CPVL: variants seen among roughly 807,000 people sequenced by gnomAD.
The protein encoded by CPVL is carboxypeptidase vitellogenic like.
Under a neutral mutation model 63.7 loss-of-function variants are expected in CPVL, and 51 were observed. The observed-to-expected ratio is 0.80, with a 90% confidence interval of 0.64 to 1.01. CPVL has a LOEUF of 1.01. CPVL is among the 50% of genes least tolerant of loss of function. The pLI is 0.00. For missense variants in CPVL, 530 were observed against 573.1 expected (o/e 0.92, Z 0.77); for synonymous variants, 195 against 206.0 (o/e 0.95, Z 0.46).
chr7:29,026,678 C>A (rs1031768129), intron 12 of CPVL, among the ~76,000 whole-genome samples: 2 of 151,952 alleles, frequency 1.3e-5, no homozygotes, highest in Non-Finnish European at 2.9e-5. Context: ...CGATACCACA[C>A]AAATACGAAG....
chr7:29,068,787 T>G (rs1042248643), intron 9 of CPVL, among the ~76,000 whole-genome samples: 5 of 149,716 alleles, frequency 3.3e-5, no homozygotes, highest in Non-Finnish European at 7.4e-5. Flanking sequence ...CTCCGCCTCC[T>G]GGGTTCACGC....
intron 5 of CPVL, among the ~76,000 whole-genome samples, chr7:29,175,233 G>A (rs1365035212): frequency 1.3e-5 from 2 of 150,910 alleles, no homozygotes; most frequent in South Asian, 2.1e-4. Context: ...GGAGTGTAGT[G>A]GCACGATCTC....
intron 11 of CPVL, among the ~76,000 whole-genome samples, chr7:29,062,075 C>T (rs1041041615): frequency 6.0e-4 from 91 of 152,018 alleles, no homozygotes; most frequent in African/African-American, 2.0e-3. Flanking sequence ...CATTACAGAA[C>T]ATCATCTTTA....
At chr7:29,146,764 T>C, upstream of CPVL, 1 of 1,549,294 alleles carries the variant, frequency 6.5e-7, no homozygotes, top group Non-Finnish European at 8.7e-7. Flanking sequence ...GTCCCTTTGT[T>C]TTATTTTGAT....
At chr7:29,085,301 C>T (rs190980819) in intron 7 of CPVL, among the ~76,000 whole-genome samples, 4 of 152,236 alleles carry the variant, frequency 2.6e-5, no homozygotes, top group Admixed American at 2.6e-4. Context: ...TAATGGGGAC[C>T]GGTCAAAAGG....
intron 12 of CPVL, among the ~76,000 whole-genome samples, chr7:29,014,416 C>T (rs758873287): frequency 5.3e-5 from 8 of 152,132 alleles, no homozygotes; most frequent in Admixed American, 2.6e-4. Flanking sequence ...CACTGCGCCT[C>T]GACCTCCTGG....
intron 9 of CPVL, among the ~76,000 whole-genome samples, chr7:29,070,347 T>C (rs1448493467): frequency 1.3e-5 from 2 of 152,222 alleles, no homozygotes; most frequent in African/African-American, 4.8e-5. Context: ...TTTCTAAATA[T>C]GGGCCTCTCA....
At chr7:29,000,807 CA>C (rs552387688) in intron 12 of CPVL, among the ~76,000 whole-genome samples, 156 of 152,254 alleles carry the variant, frequency 1.0e-3, no homozygotes, top group African/African-American at 3.5e-3. Flanking sequence ...TTCACCACCC[CA>C]AAGGAAACCC....
chr7:29,090,338 C>G (rs1260961196), intron 6 of CPVL, among the ~76,000 whole-genome samples: 1 of 152,202 alleles, frequency 6.6e-6, no homozygotes, highest in Non-Finnish European at 1.5e-5. Flanking sequence ...TCTAGCAAGG[C>G]TGAGCCATGA....
chr7:29,129,918 A>G (rs559346644), intron 1 of CPVL, among the ~76,000 whole-genome samples: 2 of 152,298 alleles, frequency 1.3e-5, no homozygotes, highest in South Asian at 4.1e-4. Context: ...AGAGGCAGAC[A>G]CTAAGTGATG....
At chr7:29,162,507 C>T (rs940073342) in intron 5 of CPVL, among the ~76,000 whole-genome samples, 1 of 151,808 alleles carries the variant, frequency 6.6e-6, no homozygotes, top group African/African-American at 2.4e-5. Context: ...ACTAAAAATA[C>T]AAAATTAGCT....
At chr7:29,146,891 G>C (rs1792781184), upstream of CPVL, 1 of 1,551,078 alleles carries the variant, frequency 6.4e-7, no homozygotes, top group Non-Finnish European at 8.7e-7. Context: ...AAAGCGAGTG[G>C]TGTTTGATTC....
intron 6 of CPVL, among the ~76,000 whole-genome samples, chr7:29,087,443 AAG>A (rs1204024373): frequency 1.5e-4 from 23 of 151,906 alleles, no homozygotes; most frequent in African/African-American, 5.1e-4. Context: ...AAAAAAAAAA[AAG>A]AATGCCAATA....
chr7:28,995,806 A>G lies in CPVL; in HGVS notation c.1397T>C (p.Ile466Thr). ...ATAAGGATCCCATCCTTTTCCATAAATGAATCGATTAATCATGTCAAAAGC... is the reference window on the plus strand; with the variant it reads ...ATAAGGATCCCATCCTTTTCCATAAGTGAATCGATTAATCATGTCAAAAGC... ...LRAFDMINRFIYGKGWDPYVG is the reference protein window; with the variant it reads ...LRAFDMINRFTYGKGWDPYVG The change falls in exon 13 of 13, where the codon ATT becomes ACT. Residue 466 changes from isoleucine (I) to threonine (T), a missense_variant. Coordinates refer to ENST00000265394, the MANE Select transcript of CPVL (RefSeq NM_031311.5). 1.2e-6 allele frequency: 2 copies of G among 1,608,006 alleles called. No homozygotes were observed. The highest frequency in any genetic ancestry group is 1.3e-5 in the African/African-American group (1 of 74,750).
chr7:29,159,135 G>C (rs1794830500), intron 5 of CPVL, among the ~76,000 whole-genome samples: 1 of 152,188 alleles, frequency 6.6e-6, no homozygotes, highest in South Asian at 2.1e-4. Context: ...AGCCCTCCCA[G>C]AGCCAGTGAG....
chr7:29,143,139 G>T (rs186112071), intron 1 of CPVL, among the ~76,000 whole-genome samples: 2 of 152,246 alleles, frequency 1.3e-5, no homozygotes, highest in African/African-American at 4.8e-5. Flanking sequence ...AACTTTCTAC[G>T]ATGAAATTTA....
intron 12 of CPVL, among the ~76,000 whole-genome samples, chr7:29,014,580 G>A (rs1056391558): frequency 2.6e-5 from 4 of 151,980 alleles, no homozygotes; most frequent in Non-Finnish European, 5.9e-5. Context: ...GGGCTCAAGC[G>A]ATCCTCCCAC....
At chr7:29,112,872 C>G (rs1483402054) in intron 2 of CPVL, 50 bp from the exon 3 acceptor site, 11 of 1,251,732 alleles carry the variant, frequency 8.8e-6, no homozygotes, top group Non-Finnish European at 1.3e-5. Flanking sequence ...ACAATAACAA[C>G]AAAAATGTGA....
At chr7:29,075,556 T>C (rs1784161290) in intron 7 of CPVL, among the ~76,000 whole-genome samples, 1 of 142,178 alleles carries the variant, frequency 7.0e-6, no homozygotes, top group Non-Finnish European at 1.5e-5. Flanking sequence ...TGACAGTCAA[T>C]GGTCCTGGAA....
Sources: allele counts gnomAD v4.1 joint callset (sites outside exome capture counted in the v4.1 genomes callset), GRCh38; gene constraint gnomAD v4.1.1; transcripts MANE v1.5; gene names NCBI Gene and HGNC (gene_info 2026-07-23, HGNC 2026-07-21).